The following DROSHA variants were observed in gnomAD, a reference collection of about 807,000 sequenced individuals.
DROSHA encodes ribonuclease 3.
In DROSHA, 56 loss-of-function variants were observed where a neutral mutation model predicts 181.9. The observed-to-expected ratio is 0.31, with a 90% CI of 0.25 to 0.38. The LOEUF (loss-of-function observed/expected upper bound fraction) is 0.38, where lower values mean the gene tolerates loss of function less well. Among genes scored for constraint, DROSHA ranks in the 10% least tolerant of loss-of-function variants. The pLI, the probability that DROSHA is intolerant of heterozygous loss-of-function variation, is 1.00. For missense variants in DROSHA, 1,218 were observed against 1,743.5 expected (o/e 0.70, Z 5.37); for synonymous variants, 524 against 591.2 (o/e 0.89, Z 1.65).
chr5:31,429,425 A>G lies in DROSHA; in HGVS notation c.3216+50T>C, dbSNP rs544258786. On this transcript the variant is annotated intron_variant, in intron 27 of 35. Transcript: ENST00000344624. The stretch of plus-strand genomic sequence containing the variant: ...TTACAAAGACCAGCTGAAATAAAAT[A>G]TTCTGTAATAATATATAACAAAAAA... 11 of 1,498,950 alleles carry G rather than the reference A, an allele frequency of 7.3e-6. No individual in the cohort carries two copies. The East Asian group carries it at 1.7e-4, about 23-fold the overall frequency. 92.9% of individuals were successfully genotyped at this position (1,498,950 alleles called of 1,614,324 possible).
At chr5:31,482,363 G>C (rs1751131214) in intron 16 of DROSHA, among the ~76,000 whole-genome samples, 1 of 152,080 alleles carries the variant, frequency 6.6e-6, no homozygotes, top group South Asian at 2.1e-4. Context: ...TCAGAGCACA[G>C]GACCTGGTGG....
rs1749810825 is a variant in DROSHA at position 31,472,230 on chromosome 5, C to T, written c.2074G>A (p.Gly692Arg). Residue 692 changes from glycine to arginine, a missense_variant and splice_region_variant, in exon 17 of 36, where the codon GGA becomes AGA. By Grantham distance (125) the Gly-to-Arg change is moderately radical. Transcript: ENST00000344624. Reference protein sequence around the residue: ...MPRFVRFLPDGGKEVLSMHQI... With the variant: ...MPRFVRFLPDRGKEVLSMHQI... ...TGCATGGACAGCACTTCCTTTCCTCCATCTTGGGTGGGAATGGGAGTGGAG... is the reference window on the plus strand; with the variant it reads ...TGCATGGACAGCACTTCCTTTCCTCTATCTTGGGTGGGAATGGGAGTGGAG... 1 of 1,604,668 alleles carries T rather than the reference C, an allele frequency of 6.2e-7. No individual in the cohort carries two copies. The highest frequency in any genetic ancestry group is 1.1e-5 in the South Asian group (1 of 89,500).
At chr5:31,503,248 T>G (rs1737516196) in intron 11 of DROSHA, among the ~76,000 whole-genome samples, 1 of 152,114 alleles carries the variant, frequency 6.6e-6, no homozygotes, top group Admixed American at 6.5e-5. Context: ...CCCAACAGCA[T>G]GGATCCCGCT....
chr5:31,455,271 A>G (rs1444118560), intron 20 of DROSHA, among the ~76,000 whole-genome samples: 1 of 152,120 alleles, frequency 6.6e-6, no homozygotes, highest in Non-Finnish European at 1.5e-5. Context: ...AGATGCATAT[A>G]TCTTATAAGA....
intron 35 of DROSHA, among the ~76,000 whole-genome samples, chr5:31,403,660 T>C (rs1740314958): frequency 6.6e-6 from 1 of 152,206 alleles, no homozygotes; most frequent in African/African-American, 2.4e-5. Context: ...TTTTTATAAA[T>C]TTTTATTGGC....
chr5:31,429,404 A>G, intron 27 of DROSHA, 71 bp downstream of exon 27: 2 of 1,418,220 alleles, frequency 1.4e-6, no homozygotes, highest in Non-Finnish European at 1.9e-6. Context: ...TTCAAATTAC[A>G]AAGACCAGCT....
intron 29 of DROSHA, 110 bp from the exon 30 acceptor site, chr5:31,421,487 T>G (rs561594090): frequency 6.6e-5 from 59 of 899,568 alleles, no homozygotes; most frequent in Non-Finnish European, 9.9e-5. Flanking sequence ...GTGTTCATTT[T>G]GTTTTAAAGC....
chr5:31,528,372 C>G (rs892123024), intron 4 of DROSHA, among the ~76,000 whole-genome samples: 1 of 152,138 alleles, frequency 6.6e-6, no homozygotes, highest in Non-Finnish European at 1.5e-5. Flanking sequence ...AATTAATGAC[C>G]TTGCCCTCCA....
chr5:31,421,934 A>AGTGTGTG (rs1742777758), intron 29 of DROSHA: 1 of 111,530 alleles, frequency 9.0e-6, no homozygotes. Flanking sequence ...GTGTGTGTGT[A>AGTGTGTG]TATAAATTAG....
At chr5:31,504,691 A>C (rs1737693560) in intron 10 of DROSHA, 56 bp from the exon 11 acceptor site, 1 of 1,583,336 alleles carries the variant, frequency 6.3e-7, no homozygotes, top group Middle Eastern at 1.7e-4. Context: ...CACACCATGC[A>C]CGGTGATGCC....
At chr5:31,523,074 AAC>A (rs1740083787) in intron 5 of DROSHA, among the ~76,000 whole-genome samples, 1 of 152,232 alleles carries the variant, frequency 6.6e-6, no homozygotes, top group African/African-American at 2.4e-5. Flanking sequence ...GCATAAACTT[AAC>A]ACAATGCAAA....
intron 28 of DROSHA, among the ~76,000 whole-genome samples, chr5:31,424,212 T>C (rs1039937519): frequency 2.0e-5 from 3 of 152,158 alleles, no homozygotes; most frequent in African/African-American, 7.2e-5. Flanking sequence ...TGACTCCCAA[T>C]GCTCCCCCTA....
intron 20 of DROSHA, among the ~76,000 whole-genome samples, chr5:31,454,660 G>C (rs373187010): frequency 4.6e-5 from 7 of 152,050 alleles, no homozygotes; most frequent in Non-Finnish European, 8.8e-5. Flanking sequence ...CATTCCAGAG[G>C]CCCGGCACAG....
intron 15 of DROSHA, among the ~76,000 whole-genome samples, chr5:31,484,354 C>G (rs1304513403): frequency 2.5e-5 from 3 of 121,314 alleles, no homozygotes; most frequent in African/African-American, 1.2e-4. Context: ...GCAGTCCGGC[C>G]TGGGCGACAG....
At chr5:31,524,677 T>C (rs946273910) in intron 5 of DROSHA, among the ~76,000 whole-genome samples, 2 of 152,206 alleles carry the variant, frequency 1.3e-5, no homozygotes, top group Non-Finnish European at 2.9e-5. Flanking sequence ...GTAAGTTTCC[T>C]TCTAGAAAAA....
At chr5:31,462,172 C>T (rs1036410330) in intron 20 of DROSHA, among the ~76,000 whole-genome samples, 2 of 152,128 alleles carry the variant, frequency 1.3e-5, no homozygotes, top group Non-Finnish European at 2.9e-5. Context: ...CATTTCTTTA[C>T]AAACCATAAA....
chr5:31,515,533 C>A lies in DROSHA; in HGVS notation c.979G>T (p.Ala327Ser), dbSNP rs891237855. The A allele has an allele frequency of 6.5e-7, 1 of 1,547,938 alleles. No individual in the cohort carries two copies. The highest frequency in any genetic ancestry group is 8.7e-7 in the Non-Finnish European group (1 of 1,143,552). ...SYGLSVVPEP[A>S]GCTPELPGEI... is the part of the protein sequence containing the mutation. ...CCAGGTAATTCTGGTGTGCATCCAG[C>A]AGGTTCAGGAACAACCGATAAACCG... Residue 327 changes from alanine to serine, a missense_variant, in exon 7 of 36, where the codon GCT becomes TCT. By Grantham distance (99) the Ala-to-Ser change is moderately conservative (BLOSUM62 1). Around this residue, in one of 8 missense-constraint regions of DROSHA, gnomAD observed 536 missense variants for 535.4 expected, o/e 1.00. Transcript: ENST00000344624.
chr5:31,426,272 C>A (rs1199520040), intron 27 of DROSHA, among the ~76,000 whole-genome samples: 3 of 151,768 alleles, frequency 2.0e-5, no homozygotes, highest in African/African-American at 7.3e-5. Flanking sequence ...AGACTGGAAC[C>A]CCAGTGCTAC....
At position 31,514,856 on chromosome 5, in the gene DROSHA, C is replaced by T; in HGVS notation, c.1290+132G>A. 2 of 782,924 alleles carry T rather than the reference C, an allele frequency of 2.6e-6. No individual in the cohort carries two copies. Among genetic ancestry groups the T allele is most frequent in the South Asian group, 1.8e-5 (1 of 54,610 alleles). The allele number at this position is 782,924 out of a possible 1,614,324, so 48.5% of individuals were successfully genotyped here. A position where few individuals can be genotyped will look rare whatever the true frequency, so the allele number is the denominator to read the frequency against. On this transcript the variant is annotated intron_variant, in intron 8 of 35. Coordinates refer to ENST00000344624, the MANE Select transcript of DROSHA (RefSeq NM_001382508.1). The surrounding 1 kb of genome is among the most constrained non-coding windows in gnomAD (Gnocchi z 4.4). ...ACTACTGGCATCTAACAGGTAGAGC[C>T]CAGAGATGCCGCTAAACATCCTACA...
Sources: allele counts gnomAD v4.1 joint callset (sites outside exome capture counted in the v4.1 genomes callset), GRCh38; gene constraint gnomAD v4.1.1; regional missense constraint gnomAD v4.1.1; non-coding constraint Gnocchi (gnomAD v3.1); transcripts MANE v1.5; gene names NCBI Gene and HGNC (gene_info 2026-07-23, HGNC 2026-07-21).